Variants in SORCS2 observed in about 807,000 individuals in gnomAD.
The protein encoded by SORCS2 is VPS10 domain-containing receptor SorCS2.
Under a neutral mutation model 141.6 loss-of-function variants are expected in SORCS2, and 100 were observed. That is an observed-to-expected ratio of 0.71 (90% CI 0.60 to 0.83). The LOEUF is 0.83. SORCS2 is among the 40% of genes least tolerant of loss of function. The pLI, the probability that SORCS2 is intolerant of heterozygous loss-of-function variation, is 0.00. For synonymous variants in SORCS2, 789 were observed against 676.9 expected (o/e 1.17, Z -2.57); for missense variants, 1,646 against 1,560.2 (o/e 1.05, Z -0.93).
At chr4:7,315,260 C>T (rs1316447624) in intron 1 of SORCS2, among the ~76,000 whole-genome samples, 1 of 152,208 alleles carries the variant, frequency 6.6e-6, no homozygotes, top group Non-Finnish European at 1.5e-5. Context: ...GTGGGCCTCC[C>T]TCTTTGTGAA....
chr4:7,240,397 C>T (rs1236087771), intron 1 of SORCS2, among the ~76,000 whole-genome samples: 2 of 152,166 alleles, frequency 1.3e-5, no homozygotes, highest in African/African-American at 4.8e-5. Context: ...TTGTTTGATA[C>T]GTAACGCGGG....
chr4:7,534,736 G>A (rs1711967624), intron 3 of SORCS2, among the ~76,000 whole-genome samples: 2 of 152,236 alleles, frequency 1.3e-5, no homozygotes, highest in Admixed American at 6.5e-5. Context: ...AGTTGGAAAA[G>A]CCAAGGAAAT....
intron 1 of SORCS2, among the ~76,000 whole-genome samples, chr4:7,235,564 C>T (rs917495560): frequency 5.3e-5 from 8 of 152,272 alleles, no homozygotes; most frequent in Middle Eastern, 3.4e-3. Flanking sequence ...AGGTGATTAG[C>T]GGGGAGGTGT....
rs1340320515 is a variant in SORCS2 at position 7,695,628 on chromosome 4, ATGGGTGGG to A, written c.1592-1566_1592-1559del. ...GATGGATGGATGGATGGATGGATGGATGGGTGGGTGGATGGATGGATGGATGGATGGAT... is the reference window on the plus strand; with the variant it reads ...GATGGATGGATGGATGGATGGATGGATGGATGGATGGATGGATGGATGGAT... On this transcript the variant is annotated intron_variant, in intron 11 of 26. Transcript: ENST00000507866. Among the ~76,000 whole-genome samples the A allele has an allele frequency of 3.1e-3, 134 of 43,182 alleles. 31 individuals carry two copies. Among genetic ancestry groups the A allele is most frequent in the African/African-American group, 3.7e-3 (37 of 9,926 alleles). The allele number at this position is 43,182 out of a possible 152,430, so 28.3% of individuals were successfully genotyped here. A position where few individuals can be genotyped will look rare whatever the true frequency, so the allele number is the denominator to read the frequency against.
chr4:7,281,452 T>G (rs1367316465), intron 1 of SORCS2, among the ~76,000 whole-genome samples: 1 of 152,224 alleles, frequency 6.6e-6, no homozygotes, highest in Non-Finnish European at 1.5e-5. Flanking sequence ...TTCTCCTGCC[T>G]GCTGCGTCCC....
At chr4:7,494,349 A>T (rs1349516730) in intron 2 of SORCS2, among the ~76,000 whole-genome samples, 1 of 152,228 alleles carries the variant, frequency 6.6e-6, no homozygotes, top group Non-Finnish European at 1.5e-5. Flanking sequence ...CGAATGGCTT[A>T]GTCCATGTGA....
intron 1 of SORCS2, among the ~76,000 whole-genome samples, chr4:7,354,528 G>A (rs1415978206): frequency 1.3e-5 from 2 of 152,212 alleles, no homozygotes; most frequent in Non-Finnish European, 1.5e-5. Flanking sequence ...AGAGGCTACC[G>A]TGCAGCCCCG....
intron 1 of SORCS2, among the ~76,000 whole-genome samples, chr4:7,263,748 G>A (rs1471953151): frequency 6.6e-6 from 1 of 152,170 alleles, no homozygotes; most frequent in African/African-American, 2.4e-5. Flanking sequence ...TGTGGGGCTG[G>A]CAAGACTCCA....
intron 21 of SORCS2, among the ~76,000 whole-genome samples, chr4:7,727,698 A>G (rs946708651): frequency 2.0e-5 from 3 of 152,184 alleles, no homozygotes; most frequent in Non-Finnish European, 4.4e-5. Flanking sequence ...TGCAGTCCTC[A>G]AAGCACTTGT....
chr4:7,726,997 C>A (rs1239162877), intron 21 of SORCS2, 94 bp downstream of exon 21: 37 of 1,406,194 alleles, frequency 2.6e-5, no homozygotes, highest in Non-Finnish European at 3.2e-5. Flanking sequence ...CATGGATGTC[C>A]TGGTCACCCT....
chr4:7,387,546 C>A (rs1194251019), intron 1 of SORCS2, among the ~76,000 whole-genome samples: 3 of 118,232 alleles, frequency 2.5e-5, no homozygotes, highest in Non-Finnish European at 4.9e-5. Context: ...CACACACATG[C>A]ACATACACAT....
chr4:7,685,460 G>A (rs888955755), intron 10 of SORCS2, among the ~76,000 whole-genome samples: 1 of 152,144 alleles, frequency 6.6e-6, no homozygotes, highest in South Asian at 2.1e-4. Context: ...ATCACCTGAG[G>A]TCAGGTTTGA....
chr4:7,353,312 A>G (rs78181826), intron 1 of SORCS2, among the ~76,000 whole-genome samples: 4,376 of 152,312 alleles, frequency 0.029, 64 homozygotes, highest in Middle Eastern at 0.051. Context: ...GGATTCTCCC[A>G]GGGCCCAGAG....
At chr4:7,221,786 A>G (rs960804901) in intron 1 of SORCS2, among the ~76,000 whole-genome samples, 2 of 152,228 alleles carry the variant, frequency 1.3e-5, no homozygotes, top group African/African-American at 4.8e-5. Context: ...CTGGAAGAGG[A>G]AGCACTTCAC....
rs2108896664 is a variant in SORCS2 at position 7,653,210 on chromosome 4, C to A, written c.814-924C>A. On this transcript the variant is annotated intron_variant, in intron 4 of 26. Transcript: ENST00000507866. Reference sequence around the variant, plus strand: ...ATCAGCCCAACCCATGCTCTCTTGCCCCCTCAGCCTTCACTTCCAAAGCTC... The same window carrying A: ...ATCAGCCCAACCCATGCTCTCTTGCACCCTCAGCCTTCACTTCCAAAGCTC... Among the ~76,000 whole-genome samples, 2 of 152,324 alleles carry A rather than the reference C, an allele frequency of 1.3e-5. 1 individual carries two copies. The highest frequency in any genetic ancestry group is 4.8e-5 in the African/African-American group (2 of 41,586).
chr4:7,631,006 G>A (rs896903848), intron 3 of SORCS2, among the ~76,000 whole-genome samples: 13 of 151,714 alleles, frequency 8.6e-5, no homozygotes, highest in African/African-American at 2.4e-4. Context: ...GAGCTCTAGC[G>A]AGGCGAGAAG....
intron 3 of SORCS2, among the ~76,000 whole-genome samples, chr4:7,546,030 A>G (rs1204283620): frequency 6.6e-6 from 1 of 151,932 alleles, no homozygotes; most frequent in Non-Finnish European, 1.5e-5. Context: ...TCTTCTTACC[A>G]GGGCACTAAT....
intron 1 of SORCS2, among the ~76,000 whole-genome samples, chr4:7,377,373 A>T (rs1299911261): frequency 6.6e-6 from 1 of 151,786 alleles, no homozygotes; most frequent in African/African-American, 2.4e-5. Context: ...GACAGATCGG[A>T]CCTTCTGCCA....
At chr4:7,219,035 T>G (rs1449546925) in intron 1 of SORCS2, among the ~76,000 whole-genome samples, 1 of 152,198 alleles carries the variant, frequency 6.6e-6, no homozygotes, top group African/African-American at 2.4e-5. Context: ...GGTGACTCCC[T>G]CTGCTTGGCA....
Sources: gnomAD v4.1 joint callset for allele counts (sites outside exome capture counted in the v4.1 genomes callset) on GRCh38, gnomAD v4.1.1 for gene constraint, MANE v1.5 for transcripts, NCBI Gene and HGNC (gene_info 2026-07-23, HGNC 2026-07-21) for gene names.